Variants in NLGN1 observed in about 807,000 individuals in gnomAD.
NLGN1 encodes neuroligin 1.
NLGN1 carries 12 observed loss-of-function variants against 65.5 expected under a neutral mutation model. The ratio of observed to expected loss-of-function variants is 0.18; its 90% CI spans 0.12 to 0.30. The LOEUF (loss-of-function observed/expected upper bound fraction) is 0.30. NLGN1 is among the 10% of genes least tolerant of loss of function. The pLI, the probability that NLGN1 is intolerant of heterozygous loss-of-function variation, is 1.00. For synonymous variants in NLGN1, 350 were observed against 359.5 expected (o/e 0.97, Z 0.30); for missense variants, 750 against 1,007.1 (o/e 0.74, Z 3.46).
chr3:173,846,062 T>G (rs1444898956), intron 4 of NLGN1, among the ~76,000 whole-genome samples: 2 of 152,074 alleles, frequency 1.3e-5, no homozygotes, highest in Admixed American at 1.3e-4. Flanking sequence ...ATTATAGGCA[T>G]GTACCACCAC....
At position 174,279,382 on chromosome 3, in the gene NLGN1, A is replaced by G; in HGVS notation, c.1381A>G (p.Thr461Ala). 1 of 1,613,422 alleles carries G rather than the reference A, an allele frequency of 6.2e-7. No homozygotes were observed. Among genetic ancestry groups the G allele is most frequent in the Non-Finnish European group, 8.5e-7 (1 of 1,179,588 alleles). ...AAGAAAGACATTACTGGCTTTGTTTACGGACCATCAGTGGGTGGCACCAGC... is the reference window on the plus strand; with the variant it reads ...AAGAAAGACATTACTGGCTTTGTTTGCGGACCATCAGTGGGTGGCACCAGC... The change falls in exon 6 of 7, where the codon ACG becomes GCG. Residue 461 changes from threonine to alanine, a missense_variant. By Grantham distance (58) the Thr-to-Ala change is moderately conservative. Transcript: ENST00000457714. The surrounding 1 kb of genome is among the most constrained non-coding windows in gnomAD (Gnocchi z 4.7).
chr3:173,414,097 T>C (rs1054208437), intron 1 of NLGN1, among the ~76,000 whole-genome samples: 6 of 152,056 alleles, frequency 3.9e-5, no homozygotes, highest in East Asian at 1.9e-4. Context: ...TGTGAACATA[T>C]GGGAACAGGA....
chr3:173,501,765 A>G (rs1731166084), intron 2 of NLGN1, among the ~76,000 whole-genome samples: 1 of 151,846 alleles, frequency 6.6e-6, no homozygotes, highest in South Asian at 2.1e-4. Flanking sequence ...ATGTAAAAAC[A>G]TCTCATAGTG....
At chr3:174,137,243 C>T (rs1187416515) in intron 4 of NLGN1, among the ~76,000 whole-genome samples, 3 of 152,076 alleles carry the variant, frequency 2.0e-5, no homozygotes, top group Admixed American at 1.3e-4. Context: ...AAATATGTTT[C>T]TATGTGTTTC....
At chr3:173,904,750 CA>C (rs1291873458) in intron 4 of NLGN1, among the ~76,000 whole-genome samples, 1 of 152,114 alleles carries the variant, frequency 6.6e-6, no homozygotes, top group Non-Finnish European at 1.5e-5. Flanking sequence ...GATATGTTTG[CA>C]TTTATGATTC....
chr3:173,432,444 G>C (rs1294352437), intron 1 of NLGN1, among the ~76,000 whole-genome samples: 1 of 152,140 alleles, frequency 6.6e-6, no homozygotes. Flanking sequence ...GAAGTACCTC[G>C]TTAGTGTTTT....
chr3:173,552,876 A>C (rs1044543869), intron 2 of NLGN1, among the ~76,000 whole-genome samples: 1 of 152,240 alleles, frequency 6.6e-6, no homozygotes, highest in Non-Finnish European at 1.5e-5. Flanking sequence ...GTGGAAAAAC[A>C]TGCTATATTT....
chr3:173,605,229 A>G (rs1751188696), intron 3 of NLGN1, 138 bp downstream of exon 2: 2 of 694,900 alleles, frequency 2.9e-6, no homozygotes, highest in Non-Finnish European at 4.6e-6. Flanking sequence ...ACATGCGTGC[A>G]TGGTGCTCTT....
At chr3:174,093,752 G>T (rs1744954036) in intron 4 of NLGN1, among the ~76,000 whole-genome samples, 1 of 152,074 alleles carries the variant, frequency 6.6e-6, no homozygotes, top group Non-Finnish European at 1.5e-5. Context: ...TAATATTCAG[G>T]CAATCCTTTT....
intron 3 of NLGN1, among the ~76,000 whole-genome samples, chr3:173,610,487 G>T (rs566003194): frequency 1.3e-5 from 2 of 152,068 alleles, no homozygotes; most frequent in South Asian, 4.1e-4. Flanking sequence ...AGAAGGTAAA[G>T]ATTTCAAGTC....
chr3:173,978,834 TA>T (rs34496124), intron 4 of NLGN1, among the ~76,000 whole-genome samples: 26,110 of 111,226 alleles, frequency 0.23, 2,661 homozygotes, highest in East Asian at 0.39. Flanking sequence ...CTTCTCTAAT[TA>T]AAAAAAAAAA....
intron 3 of NLGN1, among the ~76,000 whole-genome samples, chr3:173,762,656 A>G (rs1003414888): frequency 2.0e-5 from 3 of 152,030 alleles, no homozygotes; most frequent in African/African-American, 7.2e-5. Flanking sequence ...GTTATAAACC[A>G]TTACTCTGAA....
chr3:173,457,060 A>G (rs1722622035), intron 2 of NLGN1, among the ~76,000 whole-genome samples: 1 of 152,102 alleles, frequency 6.6e-6, no homozygotes, highest in Non-Finnish European at 1.5e-5. Flanking sequence ...TCCAATCGGA[A>G]TTCATGATAA....
chr3:173,668,927 TTCTTTA>T (rs1013838363), intron 3 of NLGN1, among the ~76,000 whole-genome samples: 3 of 152,158 alleles, frequency 2.0e-5, no homozygotes, highest in African/African-American at 7.2e-5. Flanking sequence ...CCAGGCCAGT[TTCTTTA>T]TCTTTAATAT....
intron 2 of NLGN1, among the ~76,000 whole-genome samples, chr3:173,523,329 A>G (rs915542710): frequency 6.6e-6 from 1 of 151,482 alleles, no homozygotes; most frequent in African/African-American, 2.4e-5. Context: ...CTCTTTTTGC[A>G]TAGGCCCATA....
chr3:173,761,516 A>G (rs528682653), intron 3 of NLGN1, among the ~76,000 whole-genome samples: 25 of 152,208 alleles, frequency 1.6e-4, no homozygotes, highest in African/African-American at 6.0e-4. Flanking sequence ...TGAGGCGGGT[A>G]GATTAGCATG....
chr3:173,748,866 T>A (rs1775917062), intron 3 of NLGN1, among the ~76,000 whole-genome samples: 1 of 152,060 alleles, frequency 6.6e-6, no homozygotes, highest in African/African-American at 2.4e-5. Flanking sequence ...TGCAGCAAGG[T>A]GAAACTGATT....
intron 4 of NLGN1, among the ~76,000 whole-genome samples, chr3:173,840,711 C>T (rs1409504291): frequency 6.6e-6 from 1 of 152,150 alleles, no homozygotes; most frequent in Non-Finnish European, 1.5e-5. Context: ...TTCCTCTCTT[C>T]TCATACTCAC....
intron 2 of NLGN1, among the ~76,000 whole-genome samples, chr3:173,467,112 A>G (rs1380676010): frequency 6.6e-6 from 1 of 152,160 alleles, no homozygotes; most frequent in African/African-American, 2.4e-5. Flanking sequence ...ATTTAATTCC[A>G]TCTTCTTACT....
Sources: gnomAD v4.1 joint callset for allele counts (sites outside exome capture counted in the v4.1 genomes callset) on GRCh38, gnomAD v4.1.1 for gene constraint, Gnocchi (gnomAD v3.1) non-coding constraint, MANE v1.5 for transcripts, NCBI Gene and HGNC (gene_info 2026-07-23, HGNC 2026-07-21) for gene names.